The following CNTLN variants were observed in gnomAD, a reference collection of about 807,000 sequenced individuals.
The protein encoded by CNTLN is centlein, centrosomal protein.
Under a neutral mutation model 180.0 loss-of-function variants are expected in CNTLN, and 212 were observed. The ratio of observed to expected loss-of-function variants is 1.18; its 90% CI spans 1.05 to 1.32. The LOEUF is 1.32. CNTLN is among the 40% of genes most tolerant of loss of function. The pLI is 0.00. For missense variants in CNTLN, 2,095 were observed against 1,610.9 expected (o/e 1.30, Z -5.14); for synonymous variants, 722 against 563.1 (o/e 1.28, Z -3.99).
intron 13 of CNTLN, among the ~76,000 whole-genome samples, chr9:17,384,193 C>T (rs998677207): frequency 6.6e-5 from 10 of 151,116 alleles, no homozygotes; most frequent in Non-Finnish European, 1.3e-4. Context: ...ATCCAGCGAG[C>T]TAATAGGATC....
chr9:17,499,430 G>C lies in CNTLN; in HGVS notation c.4120-3121G>C, dbSNP rs533971739. On this transcript the variant is annotated intron_variant, in intron 25 of 25. Transcript: ENST00000380647. ...CAAAATCTTTTGGTAATACATTCTA[G>C]ACTAAGCAGAATTGTTTTGTGTACA... 1.4e-4 allele frequency among the ~76,000 whole-genome samples: 21 copies of C among 152,252 alleles called. No individual in the cohort carries two copies. In the South Asian group the frequency reaches 4.4e-3, roughly 32 times the overall value.
At position 17,457,683 on chromosome 9, in the gene CNTLN, T is replaced by C. The variant is rs769880889; in HGVS notation, c.3274T>C (p.Leu1092=). The change falls in exon 19 of 26, where the codon TTG becomes CTG. Residue 1092 remains leucine (L), a synonymous_variant. Transcript: ENST00000380647. ...ACTTAGTCCTTCAAGGAGCATGGATTTGGAAATGAAGCAATTGCAGTATAA... is the reference window on the plus strand; with the variant it reads ...ACTTAGTCCTTCAAGGAGCATGGATCTGGAAATGAAGCAATTGCAGTATAA... ...TSLSPSRSMD[L]EMKQLQYKLK... is the part of the protein sequence containing the mutation. The C allele has an allele frequency of 2.0e-6, 3 of 1,504,398 alleles. No individual in the cohort carries two copies. Among genetic ancestry groups the C allele is most frequent in the South Asian group, 1.4e-5 (1 of 69,360 alleles). The allele number at this position is 1,504,398 out of a possible 1,614,324, so 93.2% of individuals were successfully genotyped here.
At chr9:17,224,775 C>T (rs756604128) in intron 2 of CNTLN, among the ~76,000 whole-genome samples, 70 of 151,888 alleles carry the variant, frequency 4.6e-4, no homozygotes, top group Middle Eastern at 3.4e-3. Context: ...TCTTTACGGA[C>T]CTTTAACTTA....
chr9:17,370,026 A>C (rs904957416), intron 13 of CNTLN, among the ~76,000 whole-genome samples: 1 of 152,082 alleles, frequency 6.6e-6, no homozygotes, highest in African/African-American at 2.4e-5. Flanking sequence ...AGATAAAAGA[A>C]TAAAAAACAA....
intron 8 of CNTLN, among the ~76,000 whole-genome samples, chr9:17,315,448 G>T (rs1229643035): frequency 6.6e-6 from 1 of 151,902 alleles, no homozygotes; most frequent in Non-Finnish European, 1.5e-5. Flanking sequence ...TTTCAATGTG[G>T]TAGTGTTTCT....
chr9:17,252,539 T>A (rs1291760752), intron 5 of CNTLN, among the ~76,000 whole-genome samples: 1 of 151,786 alleles, frequency 6.6e-6, no homozygotes, highest in African/African-American at 2.4e-5. Flanking sequence ...CATGTGTATA[T>A]CTTCTTTTGA....
Position 17,342,338 on chromosome 9 carries a change from A to C in CNTLN, c.1780A>C (p.Lys594Gln), listed in dbSNP as rs1445730835. Residue 594 changes from lysine to glutamine, a missense_variant, in exon 12 of 26, where the codon AAA becomes CAA. By Grantham distance (53) the Lys-to-Gln change is moderately conservative (BLOSUM62 1). Transcript: ENST00000380647. ...EEGSGMTEIR[K>Q]IKRADPQQLR... ...TTTTAAAAATAGGACTGAAATCAGG[A>C]AAATAAAGAGAGCAGATCCCCAACA... The C allele has an allele frequency of 1.2e-6, 2 of 1,612,140 alleles. No individual in the cohort carries two copies. The highest frequency in any genetic ancestry group is 1.7e-6 in the Non-Finnish European group (2 of 1,179,270).
At chr9:17,140,487 A>T (rs1563812588) in intron 1 of CNTLN, among the ~76,000 whole-genome samples, 1 of 152,102 alleles carries the variant, frequency 6.6e-6, no homozygotes, top group Non-Finnish European at 1.5e-5. Flanking sequence ...TCTATTGCCC[A>T]GGCTGTATGG....
intron 25 of CNTLN, among the ~76,000 whole-genome samples, chr9:17,501,864 A>G (rs1279309373): frequency 6.6e-6 from 1 of 152,214 alleles, no homozygotes; most frequent in Non-Finnish European, 1.5e-5. Flanking sequence ...TACCACCTAT[A>G]ACTGTATAAC....
chr9:17,350,229 T>C (rs1822248125), intron 12 of CNTLN, among the ~76,000 whole-genome samples: 1 of 152,226 alleles, frequency 6.6e-6, no homozygotes, highest in Middle Eastern at 3.2e-3. Context: ...TTACACATTG[T>C]CAACCACAAT....
chr9:17,296,380 C>G (rs753706336), intron 6 of CNTLN, among the ~76,000 whole-genome samples: 2 of 152,006 alleles, frequency 1.3e-5, no homozygotes, highest in Non-Finnish European at 2.9e-5. Flanking sequence ...AAATGCAGAC[C>G]AGCTACGGAT....
intron 6 of CNTLN, among the ~76,000 whole-genome samples, chr9:17,282,039 T>G (rs1828698443): frequency 6.6e-6 from 1 of 152,206 alleles, no homozygotes; most frequent in Admixed American, 6.5e-5. Flanking sequence ...CTCGGCTCAC[T>G]GCAACTTATG....
intron 2 of CNTLN, among the ~76,000 whole-genome samples, chr9:17,151,113 C>G (rs950221116): frequency 5.3e-5 from 8 of 152,312 alleles, no homozygotes; most frequent in Non-Finnish European, 1.0e-4. Flanking sequence ...TTGACTTCCT[C>G]TCTTCCTATT....
Position 17,322,707 on chromosome 9 carries a change from A to G in CNTLN, c.1342-7925A>G, listed in dbSNP as rs112439706. ...TTAATTAAACTGTAGCTGGTTTGCC[A>G]TCTGGGTGCAGCTTGTTTAGCTGCC... On this transcript the variant is annotated intron_variant, in intron 8 of 25. Coordinates refer to ENST00000380647, the MANE Select transcript of CNTLN (RefSeq NM_017738.4). 5.3e-5 allele frequency among the ~76,000 whole-genome samples: 8 copies of G among 152,236 alleles called. 1 individual carries two copies. Among genetic ancestry groups the G allele is most frequent in the African/African-American group, 1.9e-4 (8 of 41,540 alleles).
chr9:17,267,197 T>C (rs1827533643), intron 5 of CNTLN, among the ~76,000 whole-genome samples: 2 of 152,176 alleles, frequency 1.3e-5, no homozygotes, highest in South Asian at 4.1e-4. Context: ...TTTCCATGTT[T>C]AGTGCTTCCT....
At chr9:17,443,866 G>A (rs527933030) in intron 18 of CNTLN, among the ~76,000 whole-genome samples, 1 of 152,200 alleles carries the variant, frequency 6.6e-6, no homozygotes, top group South Asian at 2.1e-4. Flanking sequence ...ACTGTACAGA[G>A]AATGTGGAGG....
Position 17,366,661 on chromosome 9 carries a change from C to T in CNTLN, c.1931C>T (p.Ser644Phe). ...TTAGATGAACTTAAAGTACATATAT[C>T]TATTGATAAGGCAGCAATACAAGAA... ...EELDELKVHISIDKAAIQELN... is the reference protein window; with the variant it reads ...EELDELKVHIFIDKAAIQELN... The change falls in exon 13 of 26, where the codon TCT becomes TTT. Residue 644 changes from serine (S) to phenylalanine (F), a missense_variant. Coordinates refer to ENST00000380647, the MANE Select transcript of CNTLN (RefSeq NM_017738.4). 6.3e-7 allele frequency: 1 copy of T among 1,586,310 alleles called. No homozygotes were observed. Among genetic ancestry groups the T allele is most frequent in the Non-Finnish European group, 8.6e-7 (1 of 1,161,608 alleles).
chr9:17,274,176 A>G (rs1385520394), intron 6 of CNTLN, among the ~76,000 whole-genome samples: 2 of 152,054 alleles, frequency 1.3e-5, no homozygotes, highest in East Asian at 1.9e-4. Context: ...TGATGCTCAT[A>G]TTGTTACAGT....
chr9:17,392,134 G>A (rs142693058), intron 14 of CNTLN, among the ~76,000 whole-genome samples: 2 of 152,222 alleles, frequency 1.3e-5, no homozygotes, highest in Admixed American at 6.5e-5. Flanking sequence ...AAGTGTGATG[G>A]TGCATGCCTC....
Sources: gnomAD v4.1 joint callset for allele counts (sites outside exome capture counted in the v4.1 genomes callset) on GRCh38, gnomAD v4.1.1 for gene constraint, MANE v1.5 for transcripts, NCBI Gene and HGNC (gene_info 2026-07-23, HGNC 2026-07-21) for gene names.